The following ADCY9 variants were observed in gnomAD, a reference collection of about 807,000 sequenced individuals.
ADCY9 encodes adenylate cyclase type 9.
A neutral mutation model predicts 101.5 loss-of-function variants in ADCY9; 50 were observed. That is an observed-to-expected ratio of 0.49 (90% CI 0.39 to 0.62). ADCY9 has a LOEUF of 0.62. ADCY9 is among the 20% of genes least tolerant of loss of function. The pLI, the probability that ADCY9 is intolerant of heterozygous loss-of-function variation, is 0.00. For synonymous variants in ADCY9, 905 were observed against 769.3 expected (o/e 1.18, Z -2.92); for missense variants, 1,662 against 1,800.4 (o/e 0.92, Z 1.39).
chr16:4,048,348 A>G (rs566974242), intron 2 of ADCY9, among the ~76,000 whole-genome samples: 2 of 152,348 alleles, frequency 1.3e-5, no homozygotes, highest in Non-Finnish European at 2.9e-5. Flanking sequence ...ACAATGAAAA[A>G]TCATTCTAAA....
rs751080425 is a variant in ADCY9 at position 3,965,481 on chromosome 16, C to T, written c.*294G>A. 13 of 445,626 alleles carry T rather than the reference C, an allele frequency of 2.9e-5. No homozygotes were observed. Among genetic ancestry groups the T allele is most frequent in the South Asian group, 4.2e-5 (1 of 23,602 alleles). 27.6% of individuals were successfully genotyped at this position (445,626 alleles called of 1,614,324 possible). A position where few individuals can be genotyped will look rare whatever the true frequency, so the allele number is the denominator to read the frequency against. ...TACCCAAAGCCATGATCTCCACTGG[C>T]GGCCTCTGTCCCGAGACTCGAGGCC... On this transcript the variant is annotated 3_prime_UTR_variant, in exon 11 of 11. Coordinates refer to ENST00000294016, the MANE Select transcript of ADCY9 (RefSeq NM_001116.4).
At chr16:3,983,723 G>A in intron 6 of ADCY9, 1 of 460,560 alleles carries the variant, frequency 2.2e-6, no homozygotes, top group African/African-American at 1.9e-5. Flanking sequence ...GAGCCCAGGA[G>A]TTCCCGGCCA....
chr16:4,082,637 C>T (rs2056910782), intron 2 of ADCY9, among the ~76,000 whole-genome samples: 1 of 151,602 alleles, frequency 6.6e-6, no homozygotes, highest in Non-Finnish European at 1.5e-5. Context: ...CAGGCACACC[C>T]ACGCATGCAC....
chr16:4,030,698 G>A (rs1305136242), intron 2 of ADCY9, among the ~76,000 whole-genome samples: 4 of 150,488 alleles, frequency 2.7e-5, no homozygotes, highest in African/African-American at 4.9e-5. Flanking sequence ...AGCAAAACTC[G>A]GTCTCAAAAA....
intron 5 of ADCY9, among the ~76,000 whole-genome samples, chr16:3,954,323 C>T (rs1232246600): frequency 1.3e-5 from 2 of 152,164 alleles, no homozygotes; most frequent in South Asian, 2.1e-4. Flanking sequence ...CTGTCCCTGC[C>T]CTCCCCTAAT....
intron 2 of ADCY9, among the ~76,000 whole-genome samples, chr16:4,023,205 C>T (rs905304179): frequency 1.3e-5 from 2 of 152,198 alleles, no homozygotes; most frequent in African/African-American, 4.8e-5. Context: ...GCAGGCCACG[C>T]TAGACGCTGG....
At chr16:4,024,426 G>C (rs551461681) in intron 2 of ADCY9, among the ~76,000 whole-genome samples, 3 of 152,314 alleles carry the variant, frequency 2.0e-5, no homozygotes, top group African/African-American at 7.2e-5. Context: ...CTCCTAACGT[G>C]AATGTCTTAT....
In ADCY9 at chr16:4,113,919, G is replaced by A. The variant is rs2057129925; in HGVS notation, c.1524C>T (p.Asp508=). Residue 508 remains aspartate, a synonymous_variant, in exon 2 of 11, where the codon GAC becomes GAT. Transcript: ENST00000294016. ...CCAGGTTCACATCGTTGGACCACAC[G>A]TCAAATTTAAACCTCCTCATGCCCA... ...GILGMRRFKF[D]VWSNDVNLAN... 3.1e-6 allele frequency: 5 copies of A among 1,614,156 alleles called. No homozygotes were observed. The highest frequency in any genetic ancestry group is 2.2e-5 in the South Asian group (2 of 91,086).
intron 3 of ADCY9, among the ~76,000 whole-genome samples, chr16:4,004,323 G>T (rs1237977850): frequency 6.6e-6 from 1 of 150,922 alleles, no homozygotes; most frequent in Non-Finnish European, 1.5e-5. Context: ...TATGACTTCA[G>T]GACCAAAGCC....
In ADCY9 at chr16:4,080,651, TA is replaced by T. The variant is rs199660799; in HGVS notation, c.1693+33098del. On this transcript the variant is annotated intron_variant, in intron 2 of 10. Coordinates refer to ENST00000294016, the MANE Select transcript of ADCY9 (RefSeq NM_001116.4). ...TATAAAATTAGTTTGACAGAAACAA[TA>T]AAAAATATATACACCTTCAGAATCA... Among the ~76,000 whole-genome samples the T allele has an allele frequency of 6.2e-3, 940 of 151,556 alleles. 10 individuals carry two copies. Among genetic ancestry groups the T allele is most frequent in the African/African-American group, 0.022 (910 of 41,254 alleles).
At chr16:4,097,547 ATATATATTTTTTTT>A (rs1382644881) in intron 2 of ADCY9, among the ~76,000 whole-genome samples, 2 of 46,724 alleles carry the variant, frequency 4.3e-5, no homozygotes, top group Non-Finnish European at 7.6e-5. Context: ...ATATATATAT[ATATATATTTTTTTT>A]TTTTTTTTTT....
intron 2 of ADCY9, among the ~76,000 whole-genome samples, chr16:4,078,353 G>C (rs1359448208): frequency 6.6e-6 from 1 of 152,126 alleles, no homozygotes; most frequent in African/African-American, 2.4e-5. Context: ...CTTGAACTCA[G>C]AAGTTTGAGA....
intron 2 of ADCY9, among the ~76,000 whole-genome samples, chr16:4,051,242 C>T (rs2386826): frequency 0.075 from 11,376 of 151,190 alleles, 1,479 homozygotes; most frequent in African/African-American, 0.26. Context: ...ACGAAAAAAC[C>T]TGGCCAGGCA....
In ADCY9 at chr16:4,002,386, T is replaced by G. The variant is rs531229731; in HGVS notation, c.1884+4982A>C. ...AGATAAAAGAAGTTATCATTTAGGG[T>G]CATTTTCAAAATTCACTGTCACAAA... On this transcript the variant is annotated intron_variant, in intron 3 of 10. Transcript: ENST00000294016. Among the ~76,000 whole-genome samples, 9 of 152,280 alleles carry G rather than the reference T, an allele frequency of 5.9e-5. No homozygotes were observed. In the South Asian group the frequency reaches 1.9e-3, roughly 32 times the overall value.
At chr16:4,081,110 T>C (rs2056898924) in intron 2 of ADCY9, among the ~76,000 whole-genome samples, 1 of 152,214 alleles carries the variant, frequency 6.6e-6, no homozygotes, top group African/African-American at 2.4e-5. Flanking sequence ...AGCGTGCTCA[T>C]GTGTGTGGAT....
chr16:4,043,027 C>T (rs960681261), intron 2 of ADCY9, among the ~76,000 whole-genome samples: 6 of 151,734 alleles, frequency 4.0e-5, no homozygotes, highest in African/African-American at 1.2e-4. Flanking sequence ...GTCAGGAGAT[C>T]GAGACCATCC....
intron 2 of ADCY9, among the ~76,000 whole-genome samples, chr16:4,026,788 G>C (rs2056518616): frequency 6.6e-6 from 1 of 152,170 alleles, no homozygotes; most frequent in Admixed American, 6.6e-5. Context: ...GGCTCCCAAA[G>C]GCAAAACTAC....
intron 2 of ADCY9, among the ~76,000 whole-genome samples, chr16:4,113,358 T>C (rs1490702821): frequency 6.6e-6 from 1 of 152,118 alleles, no homozygotes; most frequent in African/African-American, 2.4e-5. Flanking sequence ...GAGAGAAACA[T>C]TTGGATGGGA....
At chr16:4,049,407 C>CA (rs35757833) in intron 2 of ADCY9, among the ~76,000 whole-genome samples, 1 of 152,144 alleles carries the variant, frequency 6.6e-6, no homozygotes, top group Admixed American at 6.5e-5. Flanking sequence ...CACAATCCCC[C>CA]AACATGTTCT....
Sources: allele counts gnomAD v4.1 joint callset (sites outside exome capture counted in the v4.1 genomes callset), GRCh38; gene constraint gnomAD v4.1.1; transcripts MANE v1.5; gene names NCBI Gene and HGNC (gene_info 2026-07-23, HGNC 2026-07-21).